Variants in SYT9 observed in about 807,000 individuals in gnomAD.
SYT9 encodes synaptotagmin 9.
In SYT9, 22 loss-of-function variants were observed where a neutral mutation model predicts 48.4. That is an observed-to-expected ratio of 0.45 (90% CI 0.32 to 0.65). The LOEUF (loss-of-function observed/expected upper bound fraction) is 0.65. Among genes scored for constraint, SYT9 ranks in the 30% least tolerant of loss-of-function variants. The probability of loss-of-function intolerance (pLI) is 0.03; values close to 1 mark genes in which losing one functional copy is unlikely to be tolerated. For synonymous variants in SYT9, 265 were observed against 245.0 expected, an observed-to-expected ratio of 1.08 and a Z score of -0.76; for missense variants, 577 against 622.0, an observed-to-expected ratio of 0.93 and a Z score of 0.77.
intron 1 of SYT9, among the ~76,000 whole-genome samples, chr11:7,269,911 A>G (rs1312239995): frequency 1.3e-5 from 2 of 151,820 alleles, no homozygotes; most frequent in African/African-American, 4.9e-5. Context: ...GCGTGACCCT[A>G]AAGCCAAAAA....
chr11:7,398,812 A>C (rs1316606511), intron 3 of SYT9, among the ~76,000 whole-genome samples: 1 of 152,192 alleles, frequency 6.6e-6, no homozygotes, highest in Non-Finnish European at 1.5e-5. Context: ...GCTTGTAGTC[A>C]AAACATACAG....
At chr11:7,432,534 T>G (rs1384605773) in intron 6 of SYT9, among the ~76,000 whole-genome samples, 1 of 82,788 alleles carries the variant, frequency 1.2e-5, no homozygotes, top group Non-Finnish European at 2.3e-5. Context: ...GCAACAAGAG[T>G]GAGACTCCAT....
At chr11:7,426,554 T>C (rs11041376) in intron 6 of SYT9, among the ~76,000 whole-genome samples, 47,149 of 152,036 alleles carry the variant, frequency 0.31, 9,558 homozygotes, top group African/African-American at 0.56. Flanking sequence ...ATCACAGGCA[T>C]CTTCTTCATG....
chr11:7,302,192 C>G (rs1197272259), intron 1 of SYT9, among the ~76,000 whole-genome samples: 2 of 152,182 alleles, frequency 1.3e-5, no homozygotes, highest in East Asian at 3.8e-4. Flanking sequence ...TAATTAATAA[C>G]TAAAGAGAGC....
chr11:7,465,807 CT>C, intron 6 of SYT9: 1 of 186,484 alleles, frequency 5.4e-6, no homozygotes. Context: ...AAAGGCACTT[CT>C]TACATGGCAG....
At chr11:7,298,637 G>A (rs7927707) in intron 1 of SYT9, among the ~76,000 whole-genome samples, 2,838 of 145,972 alleles carry the variant, frequency 0.019, 73 homozygotes, top group African/African-American at 0.069. Context: ...AGTAATCACC[G>A]TCACTCTAAT....
chr11:7,340,595 T>A (rs1849695880), intron 3 of SYT9, among the ~76,000 whole-genome samples: 1 of 152,174 alleles, frequency 6.6e-6, no homozygotes, highest in Admixed American at 6.5e-5. Context: ...TGAGGATAAG[T>A]GAGGACCAGG....
At chr11:7,376,071 A>C (rs972791986) in intron 3 of SYT9, among the ~76,000 whole-genome samples, 4 of 152,138 alleles carry the variant, frequency 2.6e-5, no homozygotes, top group Admixed American at 6.6e-5. Context: ...TTACTTATTT[A>C]ATATGTTAAC....
At chr11:7,245,159 G>C (rs1284175918) in intron 1 of SYT9, among the ~76,000 whole-genome samples, 1 of 152,312 alleles carries the variant, frequency 6.6e-6, no homozygotes, top group East Asian at 1.9e-4. Flanking sequence ...AATGCTGGCT[G>C]TCTCCAATAA....
chr11:7,262,692 C>T (rs1203261488), intron 1 of SYT9, among the ~76,000 whole-genome samples: 1 of 152,034 alleles, frequency 6.6e-6, no homozygotes, highest in Non-Finnish European at 1.5e-5. Context: ...AGAATGAAGA[C>T]TGGGCACTCA....
intron 3 of SYT9, among the ~76,000 whole-genome samples, chr11:7,359,567 A>C (rs1589970712): frequency 9.3e-6 from 1 of 107,690 alleles, no homozygotes; most frequent in Admixed American, 1.0e-4. Flanking sequence ...ATGGTATCTC[A>C]TAGTGGTTTT....
At chr11:7,323,563 C>A (rs1324986436) in intron 3 of SYT9, among the ~76,000 whole-genome samples, 2 of 151,812 alleles carry the variant, frequency 1.3e-5, no homozygotes, top group Non-Finnish European at 2.9e-5. Context: ...TTTGATTATT[C>A]ATCACTAAGT....
At chr11:7,328,907 T>G (rs1849482318) in intron 3 of SYT9, among the ~76,000 whole-genome samples, 1 of 152,224 alleles carries the variant, frequency 6.6e-6, no homozygotes, top group South Asian at 2.1e-4. Context: ...TCTTTTAGAA[T>G]CTTGCCTCCA....
intron 3 of SYT9, among the ~76,000 whole-genome samples, chr11:7,411,039 A>T (rs2134089396): frequency 6.6e-6 from 1 of 151,934 alleles, no homozygotes; most frequent in East Asian, 1.9e-4. Flanking sequence ...ATTTTTAGGA[A>T]AGACGGGGTT....
intron 2 of SYT9, among the ~76,000 whole-genome samples, 189 bp from the exon 3 acceptor site, chr11:7,313,206 T>G (rs1014045535): frequency 5.9e-5 from 9 of 152,128 alleles, no homozygotes; most frequent in Admixed American, 5.9e-4. Context: ...GTTGTGAGCT[T>G]CAAGCCTTAC....
intron 3 of SYT9, chr11:7,314,164 T>G: frequency 1.5e-6 from 1 of 676,192 alleles, no homozygotes; most frequent in Non-Finnish European, 2.7e-6. Context: ...AAGAATAACA[T>G]TCTCTCTTTT....
At chr11:7,263,209 A>G (rs536098630) in intron 1 of SYT9, among the ~76,000 whole-genome samples, 57 of 152,308 alleles carry the variant, frequency 3.7e-4, no homozygotes, top group African/African-American at 1.3e-3. Flanking sequence ...AACAACAGAC[A>G]TTTATTTCTC....
At chr11:7,287,904 A>G (rs1040624384) in intron 1 of SYT9, among the ~76,000 whole-genome samples, 1 of 152,120 alleles carries the variant, frequency 6.6e-6, no homozygotes, top group East Asian at 1.9e-4. Context: ...TTATGTTTTT[A>G]TTGTTTCCTT....
intron 1 of SYT9, among the ~76,000 whole-genome samples, chr11:7,270,227 A>G (rs1302671192): frequency 3.9e-5 from 6 of 152,116 alleles, no homozygotes. Context: ...CCTTTTAGCA[A>G]GAAGGTACAT....
Sources: gnomAD v4.1 joint callset for allele counts (sites outside exome capture counted in the v4.1 genomes callset) on GRCh38, gnomAD v4.1.1 for gene constraint, MANE v1.5 for transcripts, NCBI Gene and HGNC (gene_info 2026-07-23, HGNC 2026-07-21) for gene names.